ENOX1: variants seen among roughly 807,000 people sequenced by gnomAD.
ENOX1 encodes ecto-NOX disulfide-thiol exchanger 1, also known as candidate growth-related and time keeping constitutive hydroquinone (NADH) oxidase.
A neutral mutation model predicts 82.5 loss-of-function variants in ENOX1; 42 were observed. The ratio of observed to expected loss-of-function variants is 0.51; its 90% CI spans 0.40 to 0.66. The LOEUF is 0.66. ENOX1 is among the 30% of genes least tolerant of loss of function. The pLI, the probability that ENOX1 is intolerant of heterozygous loss-of-function variation, is 0.00. For synonymous variants in ENOX1, 271 were observed against 282.2 expected (o/e 0.96, Z 0.40); for missense variants, 608 against 811.6 (o/e 0.75, Z 3.05).
chr13:43,774,180 T>C (rs906758494), intron 1 of ENOX1, among the ~76,000 whole-genome samples: 1 of 152,146 alleles, frequency 6.6e-6, no homozygotes, highest in African/African-American at 2.4e-5. Context: ...CCACAGCACA[T>C]TACTAAGTAA....
At chr13:43,447,737 T>C (rs1490519687) in intron 3 of ENOX1, among the ~76,000 whole-genome samples, 1 of 152,136 alleles carries the variant, frequency 6.6e-6, no homozygotes, top group Non-Finnish European at 1.5e-5. Flanking sequence ...AGCTGATGGA[T>C]TGGTGTAAGG....
intron 3 of ENOX1, among the ~76,000 whole-genome samples, chr13:43,476,447 A>C (rs149746146): frequency 2.0e-5 from 3 of 152,274 alleles, no homozygotes; most frequent in Non-Finnish European, 4.4e-5. Context: ...TATTTGTCTA[A>C]TGGAAGAGAA....
At chr13:43,416,610 C>T (rs112310398) in intron 3 of ENOX1, among the ~76,000 whole-genome samples, 23,574 of 146,452 alleles carry the variant, frequency 0.16, 2,432 homozygotes, top group East Asian at 0.52. Flanking sequence ...ACTTCCTAGA[C>T]GGGGTGGCCA....
chr13:43,546,835 A>C (rs2078993473), intron 2 of ENOX1: 1 of 152,202 alleles, frequency 6.6e-6, no homozygotes, highest in Admixed American at 6.5e-5. Flanking sequence ...AAATAGTCAA[A>C]ACAGTACAAT....
At chr13:43,726,718 T>TTGTGTGTGTGTGTGTG (rs55918525) in intron 1 of ENOX1, among the ~76,000 whole-genome samples, 3 of 144,698 alleles carry the variant, frequency 2.1e-5, no homozygotes, top group African/African-American at 7.6e-5. Flanking sequence ...GCATTGACTT[T>TTGTGTGTGTGTGTGTG]TGTGTGTGTG....
At chr13:43,310,999 G>T (rs978317661) in intron 11 of ENOX1, among the ~76,000 whole-genome samples, 4 of 151,816 alleles carry the variant, frequency 2.6e-5, no homozygotes, top group Non-Finnish European at 5.9e-5. Context: ...CTACCAAAAA[G>T]AGTAACATAC....
intron 6 of ENOX1, 86 bp downstream of exon 6, chr13:43,361,193 C>T: frequency 7.2e-7 from 1 of 1,384,980 alleles, no homozygotes; most frequent in South Asian, 1.3e-5. Context: ...GTGTGAGTCA[C>T]ATCTGAAAAT....
chr13:43,563,660 C>A (rs1452016680), intron 2 of ENOX1, among the ~76,000 whole-genome samples: 2 of 151,784 alleles, frequency 1.3e-5, no homozygotes, highest in African/African-American at 4.8e-5. Flanking sequence ...CAGGGAAAGA[C>A]CCAGATAAAT....
intron 12 of ENOX1, among the ~76,000 whole-genome samples, chr13:43,291,347 A>G (rs1008868072): frequency 1.3e-5 from 2 of 152,228 alleles, no homozygotes; most frequent in South Asian, 2.1e-4. Flanking sequence ...TCTCTTCTAG[A>G]ACAGGGAAAC....
At chr13:43,540,038 T>G (rs982683913) in intron 2 of ENOX1, among the ~76,000 whole-genome samples, 3 of 152,210 alleles carry the variant, frequency 2.0e-5, no homozygotes, top group Non-Finnish European at 4.4e-5. Context: ...TCAACCTTTT[T>G]ACACACTCAT....
intron 2 of ENOX1, among the ~76,000 whole-genome samples, chr13:43,517,982 G>C (rs534163001): frequency 5.5e-4 from 83 of 152,100 alleles, no homozygotes; most frequent in Non-Finnish European, 1.1e-3. Context: ...ATGGTATTTT[G>C]TTATAGCAGC....
At chr13:43,288,574 T>A (rs1315087873) in intron 12 of ENOX1, among the ~76,000 whole-genome samples, 1 of 152,208 alleles carries the variant, frequency 6.6e-6, no homozygotes, top group Non-Finnish European at 1.5e-5. Flanking sequence ...ACACTGTTAA[T>A]AAGATTTTCT....
At chr13:43,231,075 C>T (rs2042257502) in intron 15 of ENOX1, among the ~76,000 whole-genome samples, 1 of 152,164 alleles carries the variant, frequency 6.6e-6, no homozygotes, top group East Asian at 1.9e-4. Flanking sequence ...GGCCCATCAG[C>T]TCACTGGGAT....
At chr13:43,659,673 G>A (rs754477253) in intron 2 of ENOX1, among the ~76,000 whole-genome samples, 14 of 152,110 alleles carry the variant, frequency 9.2e-5, no homozygotes, top group East Asian at 1.9e-4. Context: ...TGGGAGTGTG[G>A]TTGTTGATAT....
At chr13:43,351,551 T>C (rs980408216) in intron 8 of ENOX1, among the ~76,000 whole-genome samples, 5 of 144,180 alleles carry the variant, frequency 3.5e-5, no homozygotes, top group Admixed American at 2.8e-4. Flanking sequence ...GCCTTAGGTA[T>C]ATCTCCCAAT....
chr13:43,401,630 G>A (rs368578667), intron 5 of ENOX1, among the ~76,000 whole-genome samples: 9 of 152,248 alleles, frequency 5.9e-5, no homozygotes, highest in African/African-American at 1.2e-4. Context: ...TAGGAGAGAC[G>A]GAGAGGGAAG....
intron 2 of ENOX1, among the ~76,000 whole-genome samples, chr13:43,608,075 G>T (rs927978400): frequency 2.0e-5 from 3 of 152,138 alleles, no homozygotes; most frequent in African/African-American, 7.2e-5. Context: ...ATCTTCCTTT[G>T]TTATGTGTTC....
At chr13:43,496,692 A>C (rs2153665181) in intron 2 of ENOX1, among the ~76,000 whole-genome samples, 1 of 152,236 alleles carries the variant, frequency 6.6e-6, no homozygotes, top group Non-Finnish European at 1.5e-5. Context: ...TCCATTTCTT[A>C]ATGAGCCTTT....
At chr13:43,730,891 G>A (rs906375547) in intron 1 of ENOX1, among the ~76,000 whole-genome samples, 1 of 152,160 alleles carries the variant, frequency 6.6e-6, no homozygotes, top group Admixed American at 6.5e-5. Flanking sequence ...AGCATTTCCT[G>A]TCATCTGGGA....
Sources: allele counts gnomAD v4.1 joint callset (sites outside exome capture counted in the v4.1 genomes callset), GRCh38; gene constraint gnomAD v4.1.1; transcripts MANE v1.5; gene names NCBI Gene and HGNC (gene_info 2026-07-23, HGNC 2026-07-21).